Variants in FARP2 observed in about 807,000 individuals in gnomAD.
FARP2 encodes the protein FERM, ARHGEF and pleckstrin domain-containing protein 2.
A neutral mutation model predicts 130.5 loss-of-function variants in FARP2; 111 were observed. That is an observed-to-expected ratio of 0.85 (90% CI 0.73 to 1.00). The LOEUF (loss-of-function observed/expected upper bound fraction) is 1.00, where lower values mean the gene tolerates loss of function less well. FARP2 is among the 50% of genes least tolerant of loss of function. The pLI is 0.00. For synonymous variants in FARP2, 504 were observed against 516.9 expected (o/e 0.98, Z 0.34); for missense variants, 1,385 against 1,346.3 (o/e 1.03, Z -0.45).
intron 18 of FARP2, among the ~76,000 whole-genome samples, chr2:241,471,138 G>C (rs1237338201): frequency 6.6e-6 from 1 of 150,776 alleles, no homozygotes; most frequent in African/African-American, 2.4e-5. Context: ...ATTCTGTTCT[G>C]AGGGGTCTCT....
chr2:241,439,541 G>A (rs1317643331), intron 12 of FARP2, among the ~76,000 whole-genome samples: 1 of 152,080 alleles, frequency 6.6e-6, no homozygotes, highest in East Asian at 1.9e-4. Context: ...GTGTTAGCCA[G>A]GATGGTCTTG....
chr2:241,407,698 A>G, intron 5 of FARP2, 83 bp downstream of exon 5: 1 of 1,027,352 alleles, frequency 9.7e-7, no homozygotes, highest in Non-Finnish European at 1.5e-6. Context: ...GGCTCATTGA[A>G]AGAATGAATA....
intron 13 of FARP2, among the ~76,000 whole-genome samples, chr2:241,455,740 T>C (rs905186792): frequency 1.5e-5 from 2 of 132,172 alleles, no homozygotes; most frequent in East Asian, 2.0e-4. Context: ...GTTTTCTTTT[T>C]TTTTTTTTTT....
chr2:241,381,930 G>GAAGACCAATC (rs1652330497), intron 2 of FARP2, among the ~76,000 whole-genome samples: 1 of 152,200 alleles, frequency 6.6e-6, no homozygotes, highest in African/African-American at 2.4e-5. Context: ...GCTGCAGCTA[G>GAAGACCAATC]AAGACCAATC....
At chr2:241,461,574 G>A (rs1221129423) in intron 14 of FARP2, among the ~76,000 whole-genome samples, 1 of 152,224 alleles carries the variant, frequency 6.6e-6, no homozygotes, top group African/African-American at 2.4e-5. Flanking sequence ...CCCCTCCTCT[G>A]CTCTGCGTTA....
intron 18 of FARP2, among the ~76,000 whole-genome samples, chr2:241,473,371 G>C (rs1055012038): frequency 6.6e-5 from 10 of 151,756 alleles, no homozygotes; most frequent in Admixed American, 2.0e-4. Flanking sequence ...ATGCTATTCT[G>C]TGGGGGCCAT....
In FARP2 at chr2:241,405,697, G is replaced by T. The variant is rs1012292793; in HGVS notation, c.331+856G>T. ...GCCTGTAATCTTAGCAATTTGGGAG[G>T]CCCAAGCGGGCAGATCACCTGAGGT... On this transcript the variant is annotated intron_variant, in intron 4 of 26. Coordinates refer to ENST00000264042, the MANE Select transcript of FARP2 (RefSeq NM_014808.4). 5.9e-5 allele frequency among the ~76,000 whole-genome samples: 9 copies of T among 152,314 alleles called. 1 individual carries two copies. The highest frequency in any genetic ancestry group is 2.2e-4 in the African/African-American group (9 of 41,572).
intron 8 of FARP2, among the ~76,000 whole-genome samples, chr2:241,419,711 C>T (rs527706492): frequency 2.0e-4 from 30 of 152,298 alleles, no homozygotes; most frequent in African/African-American, 7.2e-4. Context: ...AACATGTTCC[C>T]AGGAGCCCCA....
At position 241,424,776 on chromosome 2, in the gene FARP2, G is replaced by A. The variant is rs569250573; in HGVS notation, c.771+6667G>A. On this transcript the variant is annotated intron_variant, in intron 8 of 26. Coordinates refer to ENST00000264042, the MANE Select transcript of FARP2 (RefSeq NM_014808.4). The stretch of plus-strand genomic sequence containing the variant: ...GAAATGATAGGGGAATATCACCACT[G>A]AACCCACGGAAATATAAACGATCAT... 2.6e-5 allele frequency among the ~76,000 whole-genome samples: 4 copies of A among 152,246 alleles called. No homozygotes were observed. In the South Asian group the frequency reaches 8.3e-4, roughly 32 times the overall value.
chr2:241,465,593 C>T (rs2064147569), intron 17 of FARP2: 1 of 1,550,548 alleles, frequency 6.4e-7, no homozygotes, highest in South Asian at 1.2e-5. Context: ...CACATGTGGA[C>T]AACAGTGCAG....
chr2:241,359,490 C>T (rs996271567), intron 1 of FARP2, among the ~76,000 whole-genome samples: 3 of 152,176 alleles, frequency 2.0e-5, no homozygotes, highest in East Asian at 1.9e-4. Context: ...CACCTCCCCT[C>T]GGGTGTCTCA....
Position 241,393,661 on chromosome 2 carries a change from A to G in FARP2, c.184-10167A>G, listed in dbSNP as rs140887177. On this transcript the variant is annotated intron_variant, in intron 2 of 26. Coordinates refer to ENST00000264042, the MANE Select transcript of FARP2 (RefSeq NM_014808.4). Reference sequence around the variant, plus strand: ...TGGCAAATGAACTGTAAATGAGCACATGAAACAAGTTAAAGGACAAAAGCT... The same window carrying G: ...TGGCAAATGAACTGTAAATGAGCACGTGAAACAAGTTAAAGGACAAAAGCT... 2.5e-3 allele frequency among the ~76,000 whole-genome samples: 377 copies of G among 152,340 alleles called. 5 individuals are homozygous for G. Among genetic ancestry groups the G allele is most frequent in the Middle Eastern group, 0.01 (3 of 294 alleles).
Position 241,435,015 on chromosome 2 carries a change from G to C in FARP2, c.1085G>C (p.Arg362Thr). The C allele has an allele frequency of 6.3e-7, 1 of 1,589,766 alleles. No individual in the cohort carries two copies. The highest frequency in any genetic ancestry group is 8.6e-7 in the Non-Finnish European group (1 of 1,161,564). The change falls in exon 11 of 27, where the codon AGA (arginine) becomes ACA (threonine). Residue 362 changes from arginine (R) to threonine (T), a missense_variant. Coordinates refer to ENST00000264042, the MANE Select transcript of FARP2 (RefSeq NM_014808.4). ...TATTTCAAAGACAGTGGAATGAAGA[G>C]AATTCCATATGAAAGGTAAGCTCTG... ...VDYFKDSGMK[R>T]IPYERRHSKT...
At chr2:241,372,972 G>T in intron 1 of FARP2, 112 bp from the exon 2 acceptor site, 1 of 460,298 alleles carries the variant, frequency 2.2e-6, no homozygotes, top group Non-Finnish European at 3.7e-6. Flanking sequence ...CACAGAAGTT[G>T]CAGTAATAGT....
chr2:241,400,342 G>A lies in FARP2; in HGVS notation c.184-3486G>A, dbSNP rs571220598. Among the ~76,000 whole-genome samples the A allele has an allele frequency of 1.4e-3, 211 of 152,346 alleles. 2 individuals carry two copies. Among genetic ancestry groups the A allele is most frequent in the Non-Finnish European group, 2.3e-3 (156 of 68,032 alleles). ...TGGTGGACAGTCCGGGAATCTGGCCGTGTGTGGTGCCTCTCCTGTGAGCCA... is the reference window on the plus strand; with the variant it reads ...TGGTGGACAGTCCGGGAATCTGGCCATGTGTGGTGCCTCTCCTGTGAGCCA... On this transcript the variant is annotated intron_variant, in intron 2 of 26. Coordinates refer to ENST00000264042, the MANE Select transcript of FARP2 (RefSeq NM_014808.4).
chr2:241,468,743 A>G (rs2064237269), intron 18 of FARP2, among the ~76,000 whole-genome samples: 1 of 152,240 alleles, frequency 6.6e-6, no homozygotes, highest in African/African-American at 2.4e-5. Flanking sequence ...AATGGGGTGC[A>G]ACCCCCAGAG....
intron 13 of FARP2, among the ~76,000 whole-genome samples, chr2:241,455,508 G>A (rs1014463580): frequency 1.3e-5 from 2 of 152,024 alleles, no homozygotes; most frequent in Non-Finnish European, 2.9e-5. Flanking sequence ...AGCCTCCCAA[G>A]TATCTGGGAT....
At chr2:241,461,308 G>A (rs3771585) in intron 14 of FARP2, among the ~76,000 whole-genome samples, 26,847 of 151,992 alleles carry the variant, frequency 0.18, 2,790 homozygotes, top group Admixed American at 0.35. Context: ...CTGTCTCGCC[G>A]GGTGGTGCTG....
chr2:241,366,100 A>ATATATATATAT (rs1553705591), intron 1 of FARP2, among the ~76,000 whole-genome samples: 12 of 9,226 alleles, frequency 1.3e-3, no homozygotes, highest in South Asian at 9.5e-3. Flanking sequence ...ACTAAAAAAA[A>ATATATATATAT]AAAAATATAT....
Sources: gnomAD v4.1 joint callset for allele counts (sites outside exome capture counted in the v4.1 genomes callset) on GRCh38, gnomAD v4.1.1 for gene constraint, MANE v1.5 for transcripts, NCBI Gene and HGNC (gene_info 2026-07-23, HGNC 2026-07-21) for gene names.